The following SPI1 variants were observed in gnomAD, a reference collection of about 807,000 sequenced individuals.
SPI1 encodes the protein Spi-1 proto-oncogene, also known as transcription factor PU.1.
A neutral mutation model predicts 30.7 loss-of-function variants in SPI1; 3 were observed. The observed-to-expected ratio is 0.10, with a 90% CI of 0.04 to 0.25. The LOEUF (loss-of-function observed/expected upper bound fraction) is 0.25, where lower values mean the gene tolerates loss of function less well. Ranked by LOEUF, SPI1 falls within the 10% of genes least tolerant of loss-of-function variation. SPI1 has a pLI of 1.00. For synonymous variants in SPI1, 169 were observed against 157.1 expected, an observed-to-expected ratio of 1.08 and a Z score of -0.56; for missense variants, 261 against 371.5, an observed-to-expected ratio of 0.70 and a Z score of 2.45.
At chr11:47,364,800 T>C (rs2095926101) in intron 2 of SPI1, among the ~76,000 whole-genome samples, 1 of 152,118 alleles carries the variant, frequency 6.6e-6, no homozygotes, top group South Asian at 2.1e-4. Context: ...TTGGAGAGGC[T>C]GGAAAAGCCT....
rs756639579 is a variant in SPI1 at position 47,357,154 on chromosome 11, TCA to T, written c.494-1610_494-1609del. ...CTCACACATGCTCACACCTCATACC[TCA>T]CACACATGCTCACATCTCACACCCA... On this transcript the variant is annotated intron_variant, in intron 4 of 4. Transcript: ENST00000378538. 5.5e-5 allele frequency among the ~76,000 whole-genome samples: 8 copies of T among 145,124 alleles called. No homozygotes were observed. The South Asian group carries it at 6.6e-4, about 12-fold the overall frequency.
Position 47,372,573 on chromosome 11 carries a change from G to A in SPI1, c.142+3060C>T, listed in dbSNP as rs146889210. Among the ~76,000 whole-genome samples the A allele has an allele frequency of 1.5e-3, 226 of 152,254 alleles. 1 individual carries two copies. The highest frequency in any genetic ancestry group is 5.3e-3 in the African/African-American group (219 of 41,540). ...ATGGGAAGCGGCTGGCAGGATGGAC[G>A]AGTAGGTGGGTGGATGGGAGGGTGA... On this transcript the variant is annotated intron_variant, in intron 2 of 4. Transcript: ENST00000378538.
In SPI1 at chr11:47,374,184, C is replaced by A. The variant is rs772239602; in HGVS notation, c.142+1449G>T. ...TGGTCTCTGGGTCCCCCAGACCGGG[C>A]TCTTCACTCTGGTAGGGAGAGCTGG... On this transcript the variant is annotated intron_variant, in intron 2 of 4. Transcript: ENST00000378538. The surrounding 1 kb of genome is among the most constrained non-coding windows in gnomAD (Gnocchi z 4.5). 2.6e-5 allele frequency among the ~76,000 whole-genome samples: 4 copies of A among 152,210 alleles called. No homozygotes were observed. Among genetic ancestry groups the A allele is most frequent in the Non-Finnish European group, 5.9e-5 (4 of 68,040 alleles).
At chr11:47,364,635 CT>C (rs1283563169) in intron 2 of SPI1, among the ~76,000 whole-genome samples, 3 of 152,154 alleles carry the variant, frequency 2.0e-5, no homozygotes, top group Non-Finnish European at 4.4e-5. Flanking sequence ...GCATGCACCC[CT>C]TAGGTGTGGG....
At chr11:47,357,921 C>A (rs1374939613) in intron 4 of SPI1, among the ~76,000 whole-genome samples, 1 of 152,050 alleles carries the variant, frequency 6.6e-6, no homozygotes, top group Non-Finnish European at 1.5e-5. Context: ...CACACATACA[C>A]ATACCTGTTC....
At chr11:47,377,476 G>A (rs189464188) in intron 1 of SPI1, among the ~76,000 whole-genome samples, 548 of 152,196 alleles carry the variant, frequency 3.6e-3, no homozygotes, top group Middle Eastern at 0.01. Context: ...CACTGAGAGT[G>A]AGGAGCAGTG....
chr11:47,357,179 CCACT>C (rs1428167465), intron 4 of SPI1, among the ~76,000 whole-genome samples: 7 of 151,004 alleles, frequency 4.6e-5, no homozygotes, highest in Non-Finnish European at 1.0e-4. Flanking sequence ...CATCTCACAC[CCACT>C]CACACACACC....
chr11:47,362,255 A>T (rs202125106), intron 2 of SPI1, among the ~76,000 whole-genome samples: 3 of 152,170 alleles, frequency 2.0e-5, no homozygotes, highest in South Asian at 2.1e-4. Context: ...ATTATTATTA[A>T]TAATAATAAT....
At chr11:47,358,315 A>G (rs1424185208) in intron 4 of SPI1, 22 of 535,408 alleles carry the variant, frequency 4.1e-5, no homozygotes, top group Non-Finnish European at 7.4e-5. Flanking sequence ...GCCTGCTTAC[A>G]GCCACTCACA....
chr11:47,368,326 C>T (rs1302952986), intron 2 of SPI1, among the ~76,000 whole-genome samples: 2 of 152,172 alleles, frequency 1.3e-5, no homozygotes, highest in South Asian at 4.1e-4. Context: ...GATCGTACCA[C>T]TCCACTCCAG....
intron 2 of SPI1, among the ~76,000 whole-genome samples, chr11:47,363,180 C>T (rs1239899110): frequency 6.6e-6 from 1 of 152,174 alleles, no homozygotes; most frequent in African/African-American, 2.4e-5. Flanking sequence ...ACTCAACAAA[C>T]ATTTCCTGAA....
Position 47,355,215 on chromosome 11 carries a change from G to A in SPI1, c.*12C>T. 2 of 1,344,440 alleles carry A rather than the reference G, an allele frequency of 1.5e-6. No homozygotes were observed. Among genetic ancestry groups the A allele is most frequent in the South Asian group, 3.8e-5 (2 of 52,674 alleles). The allele number at this position is 1,344,440 out of a possible 1,614,324, so 83.3% of individuals were successfully genotyped here. ...CGGGGAGGCCTGGCGGGGCCCGGCG[G>A]GGGCTGCGGGCTCAGTGGGGCGGGT... On this transcript the variant is annotated 3_prime_UTR_variant, in exon 5 of 5. Transcript: ENST00000378538.
chr11:47,376,522 A>C (rs1199470267), intron 1 of SPI1, among the ~76,000 whole-genome samples: 1 of 151,690 alleles, frequency 6.6e-6, no homozygotes, highest in Non-Finnish European at 1.5e-5. Flanking sequence ...CTCCCTCCTG[A>C]GTCCTCCCTA....
At chr11:47,356,010 TCA>T (rs1340684865) in intron 4 of SPI1, among the ~76,000 whole-genome samples, 5 of 149,558 alleles carry the variant, frequency 3.3e-5, no homozygotes, top group South Asian at 4.2e-4. Context: ...ATGTATCTGA[TCA>T]CACACATGCT....
rs1222354461 is a variant in SPI1 at position 47,374,412 on chromosome 11, G to T, written c.142+1221C>A. ...CATATCCGCCTACCCCTGGGATATG[G>T]CTTCCAGTCTGAGTTCCGGATGAAT... On this transcript the variant is annotated intron_variant, in intron 2 of 4. Transcript: ENST00000378538. The surrounding 1 kb of genome is among the most constrained non-coding windows in gnomAD (Gnocchi z 4.5). Among the ~76,000 whole-genome samples, 1 of 152,226 alleles carries T rather than the reference G, an allele frequency of 6.6e-6. No individual in the cohort carries two copies. Among genetic ancestry groups the T allele is most frequent in the Non-Finnish European group, 1.5e-5 (1 of 68,030 alleles).
intron 4 of SPI1, among the ~76,000 whole-genome samples, chr11:47,357,804 G>A (rs1384470460): frequency 6.6e-6 from 1 of 152,026 alleles, no homozygotes; most frequent in Non-Finnish European, 1.5e-5. Context: ...GACCTCAGGT[G>A]ATCCGCCTGC....
chr11:47,372,158 T>G (rs2095936816), intron 2 of SPI1, among the ~76,000 whole-genome samples: 1 of 151,702 alleles, frequency 6.6e-6, no homozygotes. Flanking sequence ...AGGTTGGAGT[T>G]CAGTGGCGCG....
intron 4 of SPI1, 175 bp downstream of exon 4, chr11:47,358,669 C>A: frequency 1.4e-6 from 1 of 723,662 alleles, no homozygotes; most frequent in Middle Eastern, 2.3e-4. Context: ...ACAGCAGATA[C>A]ACACACACAG....
Position 47,374,337 on chromosome 11 carries a change from C to T in SPI1, c.142+1296G>A, listed in dbSNP as rs1171423058. 6.6e-5 allele frequency among the ~76,000 whole-genome samples: 10 copies of T among 152,132 alleles called. No individual in the cohort carries two copies. Among genetic ancestry groups the T allele is most frequent in the Admixed American group, 6.5e-4 (10 of 15,272 alleles). ...AAGGATATTTTAAAGGCTTTCTAGC[C>T]CTGAAAGATTCTAAAAGATGCCTGT... On this transcript the variant is annotated intron_variant, in intron 2 of 4. Coordinates refer to ENST00000378538, the MANE Select transcript of SPI1 (RefSeq NM_003120.3). This position sits in a 1 kb window ranked among gnomAD's most constrained non-coding sequence, Gnocchi z 4.5.
Sources: allele counts gnomAD v4.1 joint callset (sites outside exome capture counted in the v4.1 genomes callset), GRCh38; gene constraint gnomAD v4.1.1; non-coding constraint Gnocchi (gnomAD v3.1); transcripts MANE v1.5; gene names NCBI Gene and HGNC (gene_info 2026-07-23, HGNC 2026-07-21).